The following NIPBL variants were observed in gnomAD, a reference collection of about 807,000 sequenced individuals.
The protein encoded by NIPBL is NIPBL cohesin loading factor, also known as nipped-B-like protein.
NIPBL carries 19 observed loss-of-function variants against 321.8 expected under a neutral mutation model. The observed-to-expected ratio is 0.06, with a 90% confidence interval of 0.04 to 0.09. The LOEUF (loss-of-function observed/expected upper bound fraction) is 0.09, where lower values mean the gene tolerates loss of function less well. NIPBL is among the 10% of genes least tolerant of loss of function. The probability of loss-of-function intolerance (pLI) is 1.00; values close to 1 mark genes in which losing one functional copy is unlikely to be tolerated. For missense variants in NIPBL, 2,210 were observed against 3,327.0 expected, an observed-to-expected ratio of 0.66 and a Z score of 8.26; for synonymous variants, 1,106 against 1,114.1, an observed-to-expected ratio of 0.99 and a Z score of 0.14.
intron 1 of NIPBL, among the ~76,000 whole-genome samples, chr5:36,891,843 A>G (rs1746358524): frequency 6.6e-6 from 1 of 152,094 alleles, no homozygotes; most frequent in Admixed American, 6.5e-5. Flanking sequence ...AGCGAAGGAA[A>G]CCCATAACAA....
chr5:36,877,960 C>G (rs1745220563), intron 1 of NIPBL, among the ~76,000 whole-genome samples: 1 of 152,114 alleles, frequency 6.6e-6, no homozygotes, highest in East Asian at 1.9e-4. Flanking sequence ...GTATAAAGTA[C>G]TTGACAGGTT....
intron 1 of NIPBL, among the ~76,000 whole-genome samples, chr5:36,899,220 T>C (rs1006445714): frequency 1.3e-5 from 2 of 152,148 alleles, no homozygotes; most frequent in East Asian, 1.9e-4. Flanking sequence ...TTAAATAGTT[T>C]TAGGACAAAA....
At chr5:36,938,583 C>G (rs996756015) in intron 1 of NIPBL, among the ~76,000 whole-genome samples, 4 of 152,114 alleles carry the variant, frequency 2.6e-5, no homozygotes, top group African/African-American at 9.7e-5. Context: ...TGCAAAGTTT[C>G]TAAATCAGCT....
At chr5:37,038,522 A>T in intron 33 of NIPBL, 80 bp from the exon 34 acceptor site, 1 of 1,305,206 alleles carries the variant, frequency 7.7e-7, no homozygotes, top group Non-Finnish European at 1.1e-6. Context: ...GGATAATATT[A>T]AGTAATTTAA....
intron 40 of NIPBL, among the ~76,000 whole-genome samples, chr5:37,050,497 A>T (rs1287887871): frequency 6.6e-6 from 1 of 151,890 alleles, no homozygotes; most frequent in Non-Finnish European, 1.5e-5. Context: ...AAAAAAAAAA[A>T]ATTCACACAA....
At position 37,046,176 on chromosome 5, in the gene NIPBL, A is replaced by G. The variant is rs1752961123; in HGVS notation, c.6566A>G (p.Gln2189Arg). 6.3e-7 allele frequency: 1 copy of G among 1,575,080 alleles called. No individual in the cohort carries two copies. Among genetic ancestry groups the G allele is most frequent in the South Asian group, 1.1e-5 (1 of 90,230 alleles). The change falls in exon 38 of 47, where the codon CAA becomes CGA. Residue 2189 changes from glutamine to arginine, a missense_variant. By Grantham distance (43) the Gln-to-Arg change is conservative (BLOSUM62 1). Coordinates refer to ENST00000282516, the MANE Select transcript of NIPBL (RefSeq NM_133433.4). ...ACAAAACACTCAGATGAAGAAGTAC[A>G]AACAAAAGCTATCATTGGTCTAGGT... ...YFTKHSDEEV[Q>R]TKAIIGLGFA...
intron 1 of NIPBL, among the ~76,000 whole-genome samples, chr5:36,913,796 C>G (rs1011023947): frequency 6.6e-6 from 1 of 152,164 alleles, no homozygotes; most frequent in Non-Finnish European, 1.5e-5. Flanking sequence ...ATCGCATTCA[C>G]TGTATAGCAG....
chr5:37,002,037 G>A (rs1746869018), intron 14 of NIPBL, among the ~76,000 whole-genome samples: 1 of 152,122 alleles, frequency 6.6e-6, no homozygotes, highest in African/African-American at 2.4e-5. Context: ...CTCAAAATAG[G>A]ATAATATGAG....
rs765367412 is a variant in NIPBL at position 36,984,894 on chromosome 5, C to A, written c.1714C>A (p.Gln572Lys). The part of the protein sequence containing the change: ...DSIKKPEEIK[Q>K]CNDAPVSVLQ... ...CATAAAAAAGCCTGAAGAAATCAAACAATGTAATGATGCACCTGTTTCTGT... is the reference window on the plus strand; with the variant it reads ...CATAAAAAAGCCTGAAGAAATCAAAAAATGTAATGATGCACCTGTTTCTGT... Residue 572 changes from glutamine (Q) to lysine (K), a missense_variant, in exon 10 of 47, where the codon CAA becomes AAA. Gln to Lys is a moderately conservative substitution (Grantham distance 53). Transcript: ENST00000282516. The A allele has an allele frequency of 1.2e-6, 2 of 1,613,714 alleles. No homozygotes were observed. Among genetic ancestry groups the A allele is most frequent in the Non-Finnish European group, 1.7e-6 (2 of 1,179,844 alleles).
At chr5:37,039,143 C>G (rs1426148962) in intron 34 of NIPBL, among the ~76,000 whole-genome samples, 3 of 151,898 alleles carry the variant, frequency 2.0e-5, no homozygotes, top group Non-Finnish European at 4.4e-5. Flanking sequence ...GCATTACTTC[C>G]CATCTAATGC....
rs150165384 is a variant in NIPBL, at chr5:36,946,974, A to G, written c.-79-6644A>G. Among the ~76,000 whole-genome samples, 174 of 152,154 alleles carry G rather than the reference A, an allele frequency of 1.1e-3. 1 individual carries two copies. The highest frequency in any genetic ancestry group is 6.8e-3 in the Middle Eastern group (2 of 294). The stretch of plus-strand genomic sequence containing the variant: ...TTAGAAACACCTGAGTTCAAATCCT[A>G]TTTCTGCTGCATGCTGCCTGTTTAG... On this transcript the variant is annotated intron_variant, in intron 1 of 46. Coordinates refer to ENST00000282516, the MANE Select transcript of NIPBL (RefSeq NM_133433.4).
chr5:36,933,536 A>G, intron 1 of NIPBL, among the ~76,000 whole-genome samples: 1 of 152,148 alleles, frequency 6.6e-6, no homozygotes, highest in South Asian at 2.1e-4. Flanking sequence ...TTCAGGAAAG[A>G]AAAGGATTAT....
intron 1 of NIPBL, among the ~76,000 whole-genome samples, chr5:36,952,064 G>GCGCA (rs1554010326): frequency 1.3e-4 from 17 of 134,410 alleles, no homozygotes; most frequent in Non-Finnish European, 2.4e-4. Flanking sequence ...GCGCGCGCGC[G>GCGCA]CGCGCGCGCA....
chr5:36,955,877 T>C (rs1287488011), intron 3 of NIPBL, among the ~76,000 whole-genome samples: 1 of 152,112 alleles, frequency 6.6e-6, no homozygotes, highest in East Asian at 1.9e-4. Context: ...TTTTCAGCTC[T>C]TTTGAACTTA....
intron 32 of NIPBL, among the ~76,000 whole-genome samples, chr5:37,028,788 G>GTGTTCATATTTTCCTGTCT (rs1750617553): frequency 2.0e-5 from 3 of 152,136 alleles, no homozygotes; most frequent in Admixed American, 1.3e-4. Flanking sequence ...TACCTATTCA[G>GTGTTCATATTTTCCTGTCT]TGTTCATATT....
At chr5:36,976,426 C>T in intron 9 of NIPBL, 24 bp downstream of exon 9, 1 of 1,599,530 alleles carries the variant, frequency 6.3e-7, no homozygotes, top group Non-Finnish European at 8.5e-7. Context: ...ATTATTACCA[C>T]TTCATCATCT....
At chr5:36,934,153 C>T (rs533160295) in intron 1 of NIPBL, among the ~76,000 whole-genome samples, 13 of 152,074 alleles carry the variant, frequency 8.5e-5, no homozygotes, top group Admixed American at 2.6e-4. Flanking sequence ...TTGTGTAAGA[C>T]GTTGTGTTTT....
At chr5:37,017,472 AT>A (rs1161956062) in intron 24 of NIPBL, among the ~76,000 whole-genome samples, 1 of 152,126 alleles carries the variant, frequency 6.6e-6, no homozygotes, top group African/African-American at 2.4e-5. Context: ...CTGAATGGTG[AT>A]TTAGCATACA....
At chr5:36,894,423 C>G (rs1193556165) in intron 1 of NIPBL, among the ~76,000 whole-genome samples, 3 of 152,180 alleles carry the variant, frequency 2.0e-5, no homozygotes, top group African/African-American at 4.8e-5. Flanking sequence ...TTGTACTATA[C>G]TATACTGTCA....
Sources: gnomAD v4.1 joint callset for allele counts (sites outside exome capture counted in the v4.1 genomes callset) on GRCh38, gnomAD v4.1.1 for gene constraint, MANE v1.5 for transcripts, NCBI Gene and HGNC (gene_info 2026-07-23, HGNC 2026-07-21) for gene names.